Variants in CTH observed in about 807,000 individuals in gnomAD.
CTH encodes cystathionase (cystathionine gamma-lyase).
CTH carries 41 observed loss-of-function variants against 50.6 expected under a neutral mutation model. The observed-to-expected ratio is 0.81, with a 90% CI of 0.63 to 1.05. CTH has a LOEUF of 1.05. Ranked by LOEUF, CTH falls within the 50% of genes least tolerant of loss-of-function variation. The probability of loss-of-function intolerance (pLI) is 0.00; values close to 1 mark genes in which losing one functional copy is unlikely to be tolerated. For missense variants in CTH, 470 were observed against 492.6 expected, an observed-to-expected ratio of 0.95 and a Z score of 0.43; for synonymous variants, 156 against 168.9, an observed-to-expected ratio of 0.92 and a Z score of 0.59.
intron 3 of CTH, among the ~76,000 whole-genome samples, chr1:70,420,968 A>T (rs1684207407): frequency 6.6e-6 from 1 of 151,996 alleles, no homozygotes; most frequent in African/African-American, 2.4e-5. Context: ...ATCAATATCA[A>T]TTTTTTCTTT....
chr1:70,414,976 T>A (rs1684058878), intron 1 of CTH, among the ~76,000 whole-genome samples: 2 of 152,274 alleles, frequency 1.3e-5, no homozygotes, highest in Non-Finnish European at 2.9e-5. Flanking sequence ...TGCAAATTTT[T>A]AAAAAGTATT....
intron 2 of CTH, among the ~76,000 whole-genome samples, chr1:70,417,481 C>T (rs1309929737): frequency 1.3e-5 from 2 of 151,896 alleles, no homozygotes; most frequent in Non-Finnish European, 2.9e-5. Context: ...CACAGAGTTT[C>T]ACCCTGTTGG....
In CTH at chr1:70,427,086, CAT is replaced by C. The variant is rs1216701440; in HGVS notation, c.588+2671_588+2672del. ...GAATCGCATCATCCCTAAGTAGCCA[CAT>C]GTGTTGTTTCCATGAAGCAAATCTT... On this transcript the variant is annotated intron_variant, in intron 5 of 11. Transcript: ENST00000370938. Among the ~76,000 whole-genome samples the C allele has an allele frequency of 8.5e-5, 13 of 152,298 alleles. No individual in the cohort carries two copies. The East Asian group carries it at 2.3e-3, about 27-fold the overall frequency.
chr1:70,411,945 G>T (rs1322038894), intron 1 of CTH, among the ~76,000 whole-genome samples: 1 of 152,056 alleles, frequency 6.6e-6, no homozygotes. Flanking sequence ...AAATATTAAG[G>T]GTCTGATAAC....
At chr1:70,433,988 G>C in intron 9 of CTH, 39 bp downstream of exon 9, 2 of 1,611,312 alleles carry the variant, frequency 1.2e-6, no homozygotes, top group Non-Finnish European at 1.7e-6. Context: ...TAGGAGGTAA[G>C]GCCTTACAGC....
intron 11 of CTH, 91 bp from the exon 12 acceptor site, chr1:70,439,010 A>G: frequency 6.6e-7 from 1 of 1,520,970 alleles, no homozygotes; most frequent in Non-Finnish European, 9.1e-7. Flanking sequence ...TATTTAAAGG[A>G]TGGTAGTATT....
chr1:70,432,881 A>C (rs1684510468), intron 8 of CTH, among the ~76,000 whole-genome samples: 1 of 151,580 alleles, frequency 6.6e-6, no homozygotes, highest in Non-Finnish European at 1.5e-5. Flanking sequence ...ACGGGGTTTC[A>C]CCATGTTGGC....
At chr1:70,432,663 C>T (rs1442861367) in intron 8 of CTH, among the ~76,000 whole-genome samples, 1 of 150,820 alleles carries the variant, frequency 6.6e-6, no homozygotes, top group African/African-American at 2.4e-5. Flanking sequence ...CTAAAATTCC[C>T]CTGAGGTTCT....
intron 5 of CTH, among the ~76,000 whole-genome samples, chr1:70,429,384 T>A (rs939591556): frequency 4.6e-5 from 7 of 152,062 alleles, no homozygotes; most frequent in African/African-American, 1.7e-4. Context: ...AGCAGATGAG[T>A]TTATACTTAC....
intron 4 of CTH, among the ~76,000 whole-genome samples, chr1:70,421,876 A>G (rs1380927896): frequency 6.6e-6 from 1 of 152,214 alleles, no homozygotes; most frequent in African/African-American, 2.4e-5. Flanking sequence ...GTAGAATTCA[A>G]ATTGTGATTC....
intron 9 of CTH, among the ~76,000 whole-genome samples, chr1:70,434,687 A>G (rs2101757830): frequency 6.6e-6 from 1 of 151,980 alleles, no homozygotes; most frequent in Non-Finnish European, 1.5e-5. Context: ...TAACTTGGGA[A>G]GCATTTAGAG....
At chr1:70,416,140 C>A in intron 2 of CTH, 103 bp downstream of exon 2, 2 of 765,686 alleles carry the variant, frequency 2.6e-6, no homozygotes, top group Non-Finnish European at 4.6e-6. Context: ...TTTGCTAGTT[C>A]AAAATTCCTG....
At chr1:70,427,807 G>A (rs1320816916) in intron 5 of CTH, among the ~76,000 whole-genome samples, 1 of 152,118 alleles carries the variant, frequency 6.6e-6, no homozygotes, top group Non-Finnish European at 1.5e-5. Context: ...CCGCCTCCCC[G>A]GTTCAAGCAA....
At position 70,432,262 on chromosome 1, in the gene CTH, T is replaced by C. The variant is rs558567756; in HGVS notation, c.877+27T>C. The C allele has an allele frequency of 1.9e-4, 303 of 1,613,098 alleles. 4 individuals carry two copies. In the South Asian group the frequency reaches 3.2e-3, roughly 17 times the overall value. On this transcript the variant is annotated intron_variant, in intron 8 of 11. Coordinates refer to ENST00000370938, the MANE Select transcript of CTH (RefSeq NM_001902.6). ...TATGTTAATTTGATTTCTAAGCAGA[T>C]CTACTAGGATTTCAGCAGTTATCCT...
chr1:70,426,799 C>T (rs1220949528), intron 5 of CTH, among the ~76,000 whole-genome samples: 1 of 152,134 alleles, frequency 6.6e-6, no homozygotes, highest in Non-Finnish European at 1.5e-5. Context: ...AGCCCATATG[C>T]CACTTACATT....
chr1:70,438,930 C>T (rs1572276181), intron 11 of CTH, 104 bp downstream of exon 11: 1 of 1,601,830 alleles, frequency 6.2e-7, no homozygotes, highest in East Asian at 2.2e-5. Flanking sequence ...ACTGTGAACT[C>T]TAAAGCTTTT....
chr1:70,428,821 C>T (rs1237877984), intron 5 of CTH, among the ~76,000 whole-genome samples: 1 of 152,058 alleles, frequency 6.6e-6, no homozygotes, highest in African/African-American at 2.4e-5. Flanking sequence ...CCATGTTGGC[C>T]AGGCTGGGCT....
chr1:70,438,677 T>A lies in CTH; in HGVS notation c.1053-11T>A, dbSNP rs1684649405. ...TATAGTGATCAAAAATTTGCTCATG[T>A]CTTCTTTCAGGGCAATCATGACTCA... On this transcript the variant is annotated splice_polypyrimidine_tract_variant and intron_variant, in intron 10 of 11. Transcript: ENST00000370938. The A allele has an allele frequency of 3.7e-6, 6 of 1,614,096 alleles. No individual in the cohort carries two copies. Among genetic ancestry groups the A allele is most frequent in the Middle Eastern group, 3.3e-4 (2 of 6,062 alleles).
chr1:70,421,688 A>C lies in CTH; in HGVS notation c.456+13A>C. 5,832 of 1,581,540 alleles carry C rather than the reference A, an allele frequency of 3.7e-3. No homozygotes were observed. The highest frequency in any genetic ancestry group is 4.6e-3 in the Non-Finnish European group (5,323 of 1,150,654). On this transcript the variant is annotated intron_variant, in intron 4 of 11. Coordinates refer to ENST00000370938, the MANE Select transcript of CTH (RefSeq NM_001902.6). ...ACCAGAAACCAAGGTAACTCAGCTCATTTTCAGTTTTGCCTGTTTTTCCTT... is the reference window on the plus strand; with the variant it reads ...ACCAGAAACCAAGGTAACTCAGCTCCTTTTCAGTTTTGCCTGTTTTTCCTT...
Sources: allele counts gnomAD v4.1 joint callset (sites outside exome capture counted in the v4.1 genomes callset), GRCh38; gene constraint gnomAD v4.1.1; transcripts MANE v1.5; gene names NCBI Gene and HGNC (gene_info 2026-07-23, HGNC 2026-07-21).